The following PRUNE2 variants were observed in gnomAD, a reference collection of about 807,000 sequenced individuals.
PRUNE2 encodes protein prune homolog 2.
In PRUNE2, 164 loss-of-function variants were observed where a neutral mutation model predicts 252.0. That is an observed-to-expected ratio of 0.65 (90% CI 0.57 to 0.74). The LOEUF (loss-of-function observed/expected upper bound fraction) is 0.74. PRUNE2 is among the 30% of genes least tolerant of loss of function. PRUNE2 has a pLI of 0.00. For synonymous variants in PRUNE2, 1,292 were observed against 1,350.2 expected (o/e 0.96, Z 0.94); for missense variants, 3,495 against 3,711.0 (o/e 0.94, Z 1.51).
intron 15 of PRUNE2, among the ~76,000 whole-genome samples, chr9:76,632,806 C>CT (rs1365675890): frequency 6.6e-6 from 1 of 152,232 alleles, no homozygotes; most frequent in African/African-American, 2.4e-5. Context: ...AGCAATCCTC[C>CT]TGCTTCAGCT....
At chr9:76,671,089 A>T (rs2041362463) in intron 9 of PRUNE2, among the ~76,000 whole-genome samples, 1 of 152,210 alleles carries the variant, frequency 6.6e-6, no homozygotes, top group African/African-American at 2.4e-5. Flanking sequence ...AAGGCTTCAG[A>T]CAATCAAATT....
At chr9:76,632,567 A>AT (rs1302482908) in intron 15 of PRUNE2, among the ~76,000 whole-genome samples, 4 of 152,054 alleles carry the variant, frequency 2.6e-5, no homozygotes, top group African/African-American at 7.2e-5. Flanking sequence ...GTTTATTATT[A>AT]TTTTTTTAGA....
intron 9 of PRUNE2, among the ~76,000 whole-genome samples, chr9:76,697,119 A>AATGCC (rs1275605848): frequency 2.0e-5 from 3 of 152,178 alleles, no homozygotes; most frequent in African/African-American, 7.2e-5. Context: ...AAATACCAGC[A>AATGCC]ATTTTCATAG....
chr9:76,807,573 G>A (rs2057057536), intron 6 of PRUNE2, among the ~76,000 whole-genome samples: 1 of 152,178 alleles, frequency 6.6e-6, no homozygotes, highest in African/African-American at 2.4e-5. Context: ...TCAAACAGCA[G>A]AGTGGTAAAA....
Position 76,708,992 on chromosome 9 carries a change from T to C in PRUNE2, c.3282A>G (p.Gln1094=). The C allele has an allele frequency of 1.2e-6, 2 of 1,613,846 alleles. No homozygotes were observed. Among genetic ancestry groups the C allele is most frequent in the East Asian group, 2.2e-5 (1 of 44,888 alleles). ...TGGTGCTGCTGTGCAAAAGTGTGAG[T>C]TGTCGGTTTGTTTCATTGTACAGTT... The part of the protein sequence containing the change: ...MMQLYNETNR[Q]LTLLHSSTNS... Residue 1094 remains glutamine (Q), a synonymous_variant, in exon 8 of 19, where the codon CAA becomes CAG. Coordinates refer to ENST00000376718, the MANE Select transcript of PRUNE2 (RefSeq NM_015225.3).
At chr9:76,678,349 C>CAAAAAAAAAAAAA (rs58096428) in intron 9 of PRUNE2, among the ~76,000 whole-genome samples, 1 of 83,116 alleles carries the variant, frequency 1.2e-5, no homozygotes, top group Admixed American at 1.4e-4. Context: ...GAGACTCCAT[C>CAAAAAAAAAAAAA]AAAAAAAAAA....
intron 13 of PRUNE2, 123 bp from the exon 14 acceptor site, chr9:76,637,672 C>T: frequency 1.2e-6 from 1 of 803,008 alleles, no homozygotes; most frequent in East Asian, 2.7e-5. Flanking sequence ...ACCTCTTTAC[C>T]TTGGGAAGAA....
chr9:76,858,756 AT>A (rs1432757598), intron 1 of PRUNE2, among the ~76,000 whole-genome samples: 2 of 149,978 alleles, frequency 1.3e-5, no homozygotes, highest in East Asian at 1.9e-4. Context: ...TTAAGGTATA[AT>A]TAAAAAAAAA....
intron 6 of PRUNE2, among the ~76,000 whole-genome samples, chr9:76,715,228 A>T (rs2047046818): frequency 6.6e-6 from 1 of 151,886 alleles, no homozygotes; most frequent in Non-Finnish European, 1.5e-5. Flanking sequence ...ATTCTTTGAA[A>T]CTCGTGGATT....
At chr9:76,840,107 G>C (rs925740460) in intron 4 of PRUNE2, among the ~76,000 whole-genome samples, 1 of 152,180 alleles carries the variant, frequency 6.6e-6, no homozygotes, top group Non-Finnish European at 1.5e-5. Context: ...TCATCAGCCT[G>C]TGTATAATAT....
chr9:76,745,344 A>G lies in PRUNE2; in HGVS notation c.757-31623T>C, dbSNP rs12344318. Among the ~76,000 whole-genome samples the G allele has an allele frequency of 9.2e-3, 1,405 of 152,290 alleles. 20 individuals carry two copies. The highest frequency in any genetic ancestry group is 0.032 in the African/African-American group (1,312 of 41,544). On this transcript the variant is annotated intron_variant, in intron 6 of 18. Coordinates refer to ENST00000376718, the MANE Select transcript of PRUNE2 (RefSeq NM_015225.3). ...ATTCTGCTGAGGTGTAGACATAAAC[A>G]ATTGCCAACCCTCATGCCAGAGATC...
intron 1 of PRUNE2, among the ~76,000 whole-genome samples, chr9:76,866,777 C>T (rs1029858306): frequency 6.7e-6 from 1 of 150,110 alleles, no homozygotes; most frequent in Non-Finnish European, 1.5e-5. Context: ...GAAAAGAGAG[C>T]GAGAGAAAGA....
At chr9:76,779,462 C>G (rs2054143132) in intron 6 of PRUNE2, among the ~76,000 whole-genome samples, 1 of 152,154 alleles carries the variant, frequency 6.6e-6, no homozygotes, top group Non-Finnish European at 1.5e-5. Context: ...ATGGGATGCA[C>G]TTATGAAAAA....
chr9:76,885,161 G>A (rs749232134), intron 1 of PRUNE2, among the ~76,000 whole-genome samples: 3 of 152,208 alleles, frequency 2.0e-5, no homozygotes, highest in Non-Finnish European at 4.4e-5. Flanking sequence ...TTTAAAGATA[G>A]ATGAACTCCA....
At chr9:76,763,265 A>T (rs924332730) in intron 6 of PRUNE2, among the ~76,000 whole-genome samples, 3 of 152,250 alleles carry the variant, frequency 2.0e-5, no homozygotes, top group Admixed American at 6.5e-5. Flanking sequence ...AAATGGGATC[A>T]TAGCAGGACT....
intron 1 of PRUNE2, among the ~76,000 whole-genome samples, chr9:76,884,874 A>G (rs1453951495): frequency 1.3e-5 from 2 of 152,232 alleles, no homozygotes; most frequent in Admixed American, 1.3e-4. Context: ...GGAAAGCACT[A>G]AAGCCCACCT....
In PRUNE2 at chr9:76,699,295, C is replaced by A. The variant is rs369006712; in HGVS notation, c.8276+4042G>T. On this transcript the variant is annotated intron_variant, in intron 9 of 18. Coordinates refer to ENST00000376718, the MANE Select transcript of PRUNE2 (RefSeq NM_015225.3). ...ATATAGATCAGATTTTTTACTATAA[C>A]CTGTGATAGTTAATGTTTATGTTTC... 6.5e-4 allele frequency among the ~76,000 whole-genome samples: 99 copies of A among 151,834 alleles called. No homozygotes were observed. In the East Asian group the frequency reaches 0.011, roughly 18 times the overall value.
At chr9:76,854,232 T>A (rs776299747) in intron 1 of PRUNE2, 24 bp from the exon 2 acceptor site, 2 of 1,354,228 alleles carry the variant, frequency 1.5e-6, no homozygotes, top group South Asian at 1.3e-5. Context: ...AAAGGAAACA[T>A]CACAATTTAA....
chr9:76,797,497 T>C lies in PRUNE2; in HGVS notation c.756+26135A>G, dbSNP rs978736083. The stretch of plus-strand genomic sequence containing the variant: ...ATTCAAGAGAAAGAAAACTAGATAG[T>C]TATTATTTTAAAAATTGTTTCCCAA... On this transcript the variant is annotated intron_variant, in intron 6 of 18. Transcript: ENST00000376718. Among the ~76,000 whole-genome samples the C allele has an allele frequency of 2.0e-5, 3 of 152,146 alleles. No individual in the cohort carries two copies. The East Asian group carries it at 5.8e-4, about 29-fold the overall frequency.
Sources: gnomAD v4.1 joint callset for allele counts (sites outside exome capture counted in the v4.1 genomes callset) on GRCh38, gnomAD v4.1.1 for gene constraint, MANE v1.5 for transcripts, NCBI Gene and HGNC (gene_info 2026-07-23, HGNC 2026-07-21) for gene names.